The following AFG2A variants were observed in gnomAD, a reference collection of about 807,000 sequenced individuals.
AFG2A encodes AAA ATPase AFG2A.
the AFG2A span, among the ~76,000 whole-genome samples, chr4:123,157,426 CT>C: frequency 6.6e-6 from 1 of 152,152 alleles, no homozygotes; most frequent in Non-Finnish European, 1.5e-5. Flanking sequence ...CCTCTACCCC[CT>C]ACTTTGTATG....
chr4:122,983,016 C>T, the AFG2A span, among the ~76,000 whole-genome samples: 2 of 151,612 alleles, frequency 1.3e-5, no homozygotes, highest in Non-Finnish European at 2.9e-5. Context: ...TACAGGCACC[C>T]GCCACAACGC....
the AFG2A span, among the ~76,000 whole-genome samples, chr4:123,308,008 C>T: frequency 9.8e-5 from 15 of 152,314 alleles, no homozygotes; most frequent in African/African-American, 3.4e-4. Flanking sequence ...TGTTGTTGAG[C>T]AACACGTGAC....
chr4:123,035,462 TAAAC>T, the AFG2A span, among the ~76,000 whole-genome samples: 2 of 152,160 alleles, frequency 1.3e-5, no homozygotes, highest in Non-Finnish European at 2.9e-5. Flanking sequence ...ACATCAATAT[TAAAC>T]AAAGACATAT....
the AFG2A span, among the ~76,000 whole-genome samples, chr4:122,958,627 G>A: frequency 6.6e-6 from 1 of 152,306 alleles, no homozygotes. Flanking sequence ...GAATCCCCCT[G>A]ACAAGAGTTT....
At chr4:123,269,956 A>G in the AFG2A span, among the ~76,000 whole-genome samples, 1 of 152,082 alleles carries the variant, frequency 6.6e-6, no homozygotes, top group Admixed American at 6.6e-5. Flanking sequence ...GGCTGGGACT[A>G]CATATGCCCG....
chr4:123,022,966 A>G, the AFG2A span, among the ~76,000 whole-genome samples: 2 of 149,060 alleles, frequency 1.3e-5, no homozygotes, highest in Admixed American at 1.3e-4. Flanking sequence ...GTTCTCACTC[A>G]TAGATGGGAA....
chr4:123,032,706 G>T, the AFG2A span, among the ~76,000 whole-genome samples: 1 of 152,158 alleles, frequency 6.6e-6, no homozygotes, highest in African/African-American at 2.4e-5. Context: ...AAGCCACCAC[G>T]CCAGGCCCAA....
chr4:123,120,839 T>A, the AFG2A span, among the ~76,000 whole-genome samples: 2 of 152,198 alleles, frequency 1.3e-5, no homozygotes, highest in South Asian at 4.1e-4. Flanking sequence ...GTTACAGGCT[T>A]ATGTATTACC....
At chr4:122,992,022 A>G in the AFG2A span, among the ~76,000 whole-genome samples, 3 of 152,212 alleles carry the variant, frequency 2.0e-5, no homozygotes, top group East Asian at 1.9e-4. Flanking sequence ...ATTTCAGGTG[A>G]TAGTTACAAA....
chr4:123,279,749 A>T, the AFG2A span, among the ~76,000 whole-genome samples: 3 of 152,228 alleles, frequency 2.0e-5, no homozygotes, highest in Non-Finnish European at 4.4e-5. Flanking sequence ...ATGTCAGCAC[A>T]TACTGAAGGG....
chr4:123,240,073 A>G, the AFG2A span, among the ~76,000 whole-genome samples: 98,736 of 152,050 alleles, frequency 0.65, 32,629 homozygotes, highest in Admixed American at 0.7. Flanking sequence ...GATCAAAAGA[A>G]ACAAAGAAGG....
the AFG2A span, among the ~76,000 whole-genome samples, chr4:123,260,368 C>T: frequency 1.3e-5 from 2 of 152,136 alleles, no homozygotes; most frequent in African/African-American, 2.4e-5. Flanking sequence ...TCTATGCCTT[C>T]CTGGGTCTAA....
chr4:123,021,494 G>C, the AFG2A span, among the ~76,000 whole-genome samples: 16 of 152,156 alleles, frequency 1.1e-4, no homozygotes, highest in East Asian at 2.5e-3. Context: ...CTTCTTTAAT[G>C]ATAGCCCTTC....
chr4:123,215,291 C>T, the AFG2A span, among the ~76,000 whole-genome samples: 1 of 152,032 alleles, frequency 6.6e-6, no homozygotes, highest in Non-Finnish European at 1.5e-5. Context: ...TAATCAGGCC[C>T]TCAAGTTACC....
the AFG2A span, among the ~76,000 whole-genome samples, chr4:122,939,071 C>CTCTCTTTTTTTTTTTTTTTTT: frequency 3.5e-4 from 27 of 76,210 alleles, 13 homozygotes; most frequent in Non-Finnish European, 5.1e-4. Flanking sequence ...GGGATATGTT[C>CTCTCTTTTTTTTTTTTTTTTT]TTTCTTTTTT....
chr4:123,255,361 C>T, the AFG2A span, among the ~76,000 whole-genome samples: 1 of 151,210 alleles, frequency 6.6e-6, no homozygotes, highest in Non-Finnish European at 1.5e-5. Flanking sequence ...CCCGTCTCTA[C>T]TAAAAATTAG....
chr4:123,104,312 C>G, the AFG2A span, among the ~76,000 whole-genome samples: 2 of 152,106 alleles, frequency 1.3e-5, no homozygotes, highest in Non-Finnish European at 2.9e-5. Context: ...CCATGTAAGA[C>G]AGCAAACCTA....
chr4:123,187,997 CAAAAA>C, the AFG2A span, among the ~76,000 whole-genome samples: 1 of 133,746 alleles, frequency 7.5e-6, no homozygotes. Flanking sequence ...GGCCCTATCT[CAAAAA>C]AAAAAAAAAA....
chr4:123,003,148 A>G, the AFG2A span, among the ~76,000 whole-genome samples: 1 of 152,268 alleles, frequency 6.6e-6, no homozygotes, highest in African/African-American at 2.4e-5. Flanking sequence ...CTTGGCTTTC[A>G]GCTTCATCAG....
Sources: allele counts gnomAD v4.1 joint callset (sites outside exome capture counted in the v4.1 genomes callset), GRCh38; gene constraint gnomAD v4.1.1; transcripts MANE v1.5; gene names NCBI Gene and HGNC (gene_info 2026-07-23, HGNC 2026-07-21).